Variants in RAD51B observed in about 807,000 individuals in gnomAD.
RAD51B encodes RAD51 paralog B.
Under a neutral mutation model 42.2 loss-of-function variants are expected in RAD51B, and 38 were observed. The ratio of observed to expected loss-of-function variants is 0.90; its 90% CI spans 0.70 to 1.18. The LOEUF (loss-of-function observed/expected upper bound fraction) is 1.18, where lower values mean the gene tolerates loss of function less well. Ranked by LOEUF, RAD51B falls within the 50% of genes most tolerant of loss-of-function variation. RAD51B has a pLI of 0.00. For missense variants in RAD51B, 373 were observed against 400.7 expected, an observed-to-expected ratio of 0.93 and a Z score of 0.59; for synonymous variants, 154 against 145.2, an observed-to-expected ratio of 1.06 and a Z score of -0.43.
chr14:68,103,995 A>G (rs1010008139), intron 7 of RAD51B, among the ~76,000 whole-genome samples: 7 of 152,192 alleles, frequency 4.6e-5, no homozygotes, highest in Admixed American at 1.3e-4. Context: ...TTCAGGGAAT[A>G]GAACTTACCC....
intron 5 of RAD51B, among the ~76,000 whole-genome samples, chr14:67,882,107 G>C (rs999591700): frequency 6.6e-6 from 1 of 152,044 alleles, no homozygotes; most frequent in Non-Finnish European, 1.5e-5. Flanking sequence ...CGAGTAGCTG[G>C]GACCACAGGC....
chr14:68,173,530 T>G (rs563645540), intron 7 of RAD51B, among the ~76,000 whole-genome samples: 1 of 152,328 alleles, frequency 6.6e-6, no homozygotes, highest in South Asian at 2.1e-4. Flanking sequence ...CGAGTGACTA[T>G]TCATTGATTT....
At chr14:68,439,939 C>T (rs1426435074) in intron 9 of RAD51B, among the ~76,000 whole-genome samples, 3 of 152,072 alleles carry the variant, frequency 2.0e-5, no homozygotes, top group Admixed American at 6.5e-5. Flanking sequence ...TGGTTCATGT[C>T]GTAGAAGAGT....
At chr14:68,235,930 A>G (rs936039710) in intron 7 of RAD51B, among the ~76,000 whole-genome samples, 17 of 152,182 alleles carry the variant, frequency 1.1e-4, no homozygotes. Flanking sequence ...GCTGGAAGCC[A>G]TTATCCTAAG....
chr14:67,906,474 G>T (rs986837943), intron 7 of RAD51B, among the ~76,000 whole-genome samples: 1 of 152,042 alleles, frequency 6.6e-6, no homozygotes, highest in African/African-American at 2.4e-5. Context: ...ATTGGTATCA[G>T]CTTATTTTTT....
intron 10 of RAD51B, among the ~76,000 whole-genome samples, chr14:68,505,937 T>A (rs1885286137): frequency 6.6e-6 from 1 of 152,248 alleles, no homozygotes; most frequent in Non-Finnish European, 1.5e-5. Context: ...CATTCACTGC[T>A]GCTGAGGGTC....
chr14:68,453,735 C>T (rs1022675390), intron 9 of RAD51B, among the ~76,000 whole-genome samples: 1 of 152,160 alleles, frequency 6.6e-6, no homozygotes, highest in Non-Finnish European at 1.5e-5. Context: ...ATCAATCCAC[C>T]TCTGAGAAGG....
intron 10 of RAD51B, among the ~76,000 whole-genome samples, chr14:68,630,687 C>G (rs1892206633): frequency 6.6e-6 from 1 of 151,386 alleles, no homozygotes; most frequent in Non-Finnish European, 1.5e-5. Context: ...TCGTTCCAGA[C>G]AACCTTCGGC....
intron 10 of RAD51B, among the ~76,000 whole-genome samples, chr14:68,530,705 A>C (rs1237021710): frequency 6.6e-6 from 1 of 152,078 alleles, no homozygotes; most frequent in Non-Finnish European, 1.5e-5. Flanking sequence ...GGATTTTTTT[A>C]AAATGAAGTT....
At chr14:68,137,396 A>C (rs2078033539) in intron 7 of RAD51B, among the ~76,000 whole-genome samples, 1 of 152,156 alleles carries the variant, frequency 6.6e-6, no homozygotes. Context: ...AAACAACCCA[A>C]ATTTATTATT....
At chr14:68,606,378 C>G (rs139955890) in intron 10 of RAD51B, among the ~76,000 whole-genome samples, 7 of 152,184 alleles carry the variant, frequency 4.6e-5, no homozygotes, top group Non-Finnish European at 7.3e-5. Context: ...TCTGCAGAAC[C>G]GGAAACAGAT....
intron 7 of RAD51B, among the ~76,000 whole-genome samples, chr14:68,268,736 G>A (rs1367921772): frequency 1.3e-5 from 2 of 152,182 alleles, no homozygotes; most frequent in Non-Finnish European, 2.9e-5. Context: ...AATCCTCAAA[G>A]GCACAGAGCA....
chr14:68,313,163 T>C (rs562439904), intron 8 of RAD51B, among the ~76,000 whole-genome samples: 397 of 152,320 alleles, frequency 2.6e-3, no homozygotes, highest in Non-Finnish European at 4.0e-3. Context: ...ACCTGGTGAA[T>C]TATAATATTC....
chr14:68,466,196 A>G (rs944823410), intron 9 of RAD51B, among the ~76,000 whole-genome samples: 1 of 152,204 alleles, frequency 6.6e-6, no homozygotes, highest in Non-Finnish European at 1.5e-5. Context: ...TTCTTCTGGT[A>G]GGAGCCAAGT....
chr14:68,465,558 C>T, intron 9 of RAD51B, among the ~76,000 whole-genome samples: 1 of 152,108 alleles, frequency 6.6e-6, no homozygotes, highest in Non-Finnish European at 1.5e-5. Context: ...TCAACAGGAC[C>T]CATAGGTGAT....
intron 7 of RAD51B, among the ~76,000 whole-genome samples, chr14:68,183,804 C>T (rs1280634430): frequency 6.6e-6 from 1 of 151,954 alleles, no homozygotes; most frequent in Non-Finnish European, 1.5e-5. Context: ...TTTAAATTAC[C>T]TGGGTAAGGC....
intron 7 of RAD51B, among the ~76,000 whole-genome samples, chr14:67,984,215 G>A (rs1450889375): frequency 1.3e-5 from 2 of 152,122 alleles, no homozygotes; most frequent in East Asian, 3.9e-4. Context: ...GGGATTACAG[G>A]TGTGAGCCAC....
chr14:68,636,381 G>A (rs1341298578), intron 10 of RAD51B, among the ~76,000 whole-genome samples: 3 of 152,038 alleles, frequency 2.0e-5, no homozygotes, highest in South Asian at 2.1e-4. Flanking sequence ...TCAGGAGTTC[G>A]AGACCAGCCT....
chr14:68,676,486 A>C (rs1380697063), intron 11 of RAD51B, among the ~76,000 whole-genome samples: 2 of 152,190 alleles, frequency 1.3e-5, no homozygotes, highest in African/African-American at 4.8e-5. Flanking sequence ...GGGAGTTTAG[A>C]GTGTCTGTGG....
Sources: gnomAD v4.1 joint callset for allele counts (sites outside exome capture counted in the v4.1 genomes callset) on GRCh38, gnomAD v4.1.1 for gene constraint, MANE v1.5 for transcripts, NCBI Gene and HGNC (gene_info 2026-07-23, HGNC 2026-07-21) for gene names.